The following ZNF224 variants were observed in gnomAD, a reference collection of about 807,000 sequenced individuals.
ZNF224 encodes the protein bone marrow zinc finger 2.
ZNF224 carries 8 observed loss-of-function variants against 10.5 expected under a neutral mutation model. That is an observed-to-expected ratio of 0.76 (90% CI 0.45 to 1.37). ZNF224 has a LOEUF of 1.37. Among genes scored for constraint, ZNF224 ranks in the 40% most tolerant of loss-of-function variants. The pLI, the probability that ZNF224 is intolerant of heterozygous loss-of-function variation, is 0.00. For missense variants in ZNF224, 754 were observed against 854.0 expected, an observed-to-expected ratio of 0.88 and a Z score of 1.46; for synonymous variants, 282 against 287.8, an observed-to-expected ratio of 0.98 and a Z score of 0.20.
chr19:44,097,061 G>C (rs766094417), intron 2 of ZNF224: 36 of 235,606 alleles, frequency 1.5e-4, no homozygotes, highest in South Asian at 1.9e-4. Context: ...CCGAGACGCT[G>C]TCTTTCAGAT....
chr19:44,099,334 C>T (rs1967502934), intron 3 of ZNF224, among the ~76,000 whole-genome samples: 1 of 152,152 alleles, frequency 6.6e-6, no homozygotes, highest in Non-Finnish European at 1.5e-5. Context: ...AGATGCCTTA[C>T]ACAAACCAGA....
rs1568533491 is a variant in ZNF224, at chr19:44,108,104, AGAAAAGCCATACAAATGT to A, written c.1947_1964del (p.Lys650_Glu655del). The A allele has an allele frequency of 2.5e-6, 4 of 1,612,456 alleles. No individual in the cohort carries two copies. In the East Asian group the frequency reaches 8.9e-5, roughly 36 times the overall value. Reference sequence around the variant, plus strand: ...AAGTGCAAGAAAAAGTTCACAGTGTAGAAAAGCCATACAAATGTGAGGACTGTGGGAAGGGCTACAACA... The same window carrying A: ...AAGTGCAAGAAAAAGTTCACAGTGTAGAGGACTGTGGGAAGGGCTACAACA... On this transcript the variant is annotated inframe_deletion, in exon 6 of 6. Coordinates refer to ENST00000693561, the MANE Select transcript of ZNF224 (RefSeq NM_001321645.3).
rs1034669032 is a variant in ZNF224 at position 44,108,518 on chromosome 19, C to T, written c.*234C>T. 1 of 537,032 alleles carries T rather than the reference C, an allele frequency of 1.9e-6. No individual in the cohort carries two copies. Among genetic ancestry groups the T allele is most frequent in the Non-Finnish European group, 3.4e-6 (1 of 297,580 alleles). 33.3% of individuals were successfully genotyped at this position (537,032 alleles called of 1,614,324 possible). A position where few individuals can be genotyped will look rare whatever the true frequency, so the allele number is the denominator to read the frequency against. On this transcript the variant is annotated 3_prime_UTR_variant, in exon 6 of 6. Transcript: ENST00000693561. ...ATAGCTCAGCATGCCCCAGTAGTCT[C>T]AGGACCACCATAATGGAGAATCCTT... is the stretch of plus-strand genomic sequence containing the variant.
Position 44,101,143 on chromosome 19 carries a change from A to G in ZNF224, c.153A>G (p.Ala51=). 1 of 1,614,154 alleles carries G rather than the reference A, an allele frequency of 6.2e-7. No individual in the cohort carries two copies. Among genetic ancestry groups the G allele is most frequent in the Non-Finnish European group, 8.5e-7 (1 of 1,180,004 alleles). The part of the protein sequence containing the change: ...FRNLLSVGHQ[A]FHRDTFHFLR... ...TTTGCCTGTTTGCAGGACATCAAGC[A>G]TTCCACAGGGATACTTTCCACTTCC... is the stretch of plus-strand genomic sequence containing the variant. The change falls in exon 5 of 6, where the codon GCA becomes GCG. Residue 51 remains alanine, a synonymous_variant. Transcript: ENST00000693561.
Position 44,108,598 on chromosome 19 carries a change from A to C in ZNF224, c.*314A>C, listed in dbSNP as rs1234830576. On this transcript the variant is annotated 3_prime_UTR_variant, in exon 6 of 6. Transcript: ENST00000693561. Reference sequence around the variant, plus strand: ...AGTTTGATAATTACAGCTATCATTCAGGAGACAGGCCTTAGAAAGAGTAAG... The same window carrying C: ...AGTTTGATAATTACAGCTATCATTCCGGAGACAGGCCTTAGAAAGAGTAAG... 8.7e-6 allele frequency: 4 copies of C among 457,348 alleles called. No individual in the cohort carries two copies. The highest frequency in any genetic ancestry group is 1.7e-5 in the Non-Finnish European group (4 of 231,268). The allele number at this position is 457,348 out of a possible 1,614,324, so 28.3% of individuals were successfully genotyped here.
Position 44,097,884 on chromosome 19 carries a change from T to C in ZNF224, c.11T>C (p.Phe4Ser). 6.2e-7 allele frequency: 1 copy of C among 1,614,064 alleles called. No homozygotes were observed. Among genetic ancestry groups the C allele is most frequent in the South Asian group, 1.1e-5 (1 of 91,044 alleles). The change falls in exon 3 of 6, where the codon TTC becomes TCC. Residue 4 changes from phenylalanine (F) to serine (S), a missense_variant. By Grantham distance (155) the Phe-to-Ser change is radical. Transcript: ENST00000693561. MTT[F>S]KEAMTFKDVA... ...GAAGTAAGAGGGAAAATGACCACGTTCAAGGTGGGTAGGACTTGCTTCTAT... is the reference window on the plus strand; with the variant it reads ...GAAGTAAGAGGGAAAATGACCACGTCCAAGGTGGGTAGGACTTGCTTCTAT...
intron 4 of ZNF224, 31 bp downstream of exon 4, chr19:44,100,958 T>C: frequency 6.2e-7 from 1 of 1,611,514 alleles, no homozygotes; most frequent in Non-Finnish European, 8.5e-7. Context: ...TAACAGAACG[T>C]CAGGCCCCAG....
chr19:44,095,088 C>G (rs1967412097), intron 1 of ZNF224: 1 of 227,508 alleles, frequency 4.4e-6, no homozygotes, highest in African/African-American at 2.3e-5. Flanking sequence ...ACAGCTTTCT[C>G]GTTCCCCAAC....
intron 5 of ZNF224, chr19:44,105,493 TTG>T (rs1967637015): frequency 6.6e-6 from 1 of 151,208 alleles, no homozygotes; most frequent in Non-Finnish European, 1.5e-5. Flanking sequence ...AATTTTATTA[TTG>T]TCTTTTATTT....
intron 5 of ZNF224, among the ~76,000 whole-genome samples, chr19:44,104,945 A>C (rs1241884596): frequency 6.6e-6 from 1 of 152,206 alleles, no homozygotes; most frequent in African/African-American, 2.4e-5. Flanking sequence ...TACAGGCGTG[A>C]GCCACCGCGC....
Position 44,106,417 on chromosome 19 carries a change from T to A in ZNF224, c.257T>A (p.Met86Lys), listed in dbSNP as rs755736302. Residue 86 changes from methionine (M) to lysine (K), a missense_variant, in exon 6 of 6, where the codon ATG (methionine) becomes AAG (lysine). Met to Lys is a moderately conservative substitution (Grantham distance 95). Coordinates refer to ENST00000693561, the MANE Select transcript of ZNF224 (RefSeq NM_001321645.3). The stretch of plus-strand genomic sequence containing the variant: ...ATAGGAGACAAGATCCAAACTGAGA[T>A]GGAGACTGTTTCAGAAGCAGGAACA... Reference protein sequence around the residue: ...GNSGDKIQTEMETVSEAGTHQ... With the variant: ...GNSGDKIQTEKETVSEAGTHQ... 6.2e-7 allele frequency: 1 copy of A among 1,614,182 alleles called. No homozygotes were observed. Among genetic ancestry groups the A allele is most frequent in the Non-Finnish European group, 8.5e-7 (1 of 1,180,024 alleles).
rs1967398536 is a variant in ZNF224, at chr19:44,094,485, A to G, written c.-203A>G. 6.6e-6 allele frequency: 1 copy of G among 152,310 alleles called. No homozygotes were observed. The highest frequency in any genetic ancestry group is 2.4e-5 in the African/African-American group (1 of 41,442). The allele number at this position is 152,310 out of a possible 1,614,324, so 9.4% of individuals were successfully genotyped here. ...GACCTACGCATTGGATCCTCAAAGA[A>G]CTGGTGATCGAATTAGGGGAAAAGG... On this transcript the variant is annotated 5_prime_UTR_variant, in exon 1 of 6. Coordinates refer to ENST00000693561, the MANE Select transcript of ZNF224 (RefSeq NM_001321645.3).
rs765278037 is a variant in ZNF224 at position 44,101,173 on chromosome 19, G to T, written c.183G>T (p.Arg61Ser). The T allele has an allele frequency of 1.5e-5, 25 of 1,614,120 alleles. No homozygotes were observed. The South Asian group carries it at 2.5e-4, about 16-fold the overall frequency. ...ACAGGGATACTTTCCACTTCCTAAG[G>T]GAAGAAAAGATTTGGATGATGAAGA... ...AFHRDTFHFL[R>S]EEKIWMMKTA... Residue 61 changes from arginine to serine, a missense_variant, in exon 5 of 6, where the codon AGG (arginine) becomes AGT (serine). Physicochemically the swap from Arg to Ser is moderately radical, Grantham distance 110. Coordinates refer to ENST00000693561, the MANE Select transcript of ZNF224 (RefSeq NM_001321645.3).
At position 44,108,964 on chromosome 19, in the gene ZNF224, A is replaced by AAT. The variant is rs1164949609; in HGVS notation, c.*681_*682insTA. 1 of 234,296 alleles carries AAT rather than the reference A, an allele frequency of 4.3e-6. No individual in the cohort carries two copies. Among genetic ancestry groups the AAT allele is most frequent in the Non-Finnish European group, 8.9e-6 (1 of 112,692 alleles). 14.5% of individuals were successfully genotyped at this position (234,296 alleles called of 1,614,324 possible). ...TTGATCAGATTTATCATATTCATTG[A>AAT]ACATTATTTTATTGCACTTGGCTCC... On this transcript the variant is annotated 3_prime_UTR_variant, in exon 6 of 6. Transcript: ENST00000693561.
intron 5 of ZNF224, among the ~76,000 whole-genome samples, chr19:44,102,031 T>C (rs994281123): frequency 2.0e-5 from 3 of 152,192 alleles, no homozygotes; most frequent in African/African-American, 4.8e-5. Context: ...CAACCTTAAT[T>C]GCATCTACAA....
intron 2 of ZNF224, chr19:44,097,052 C>T (rs925277152): frequency 4.4e-6 from 1 of 229,096 alleles, no homozygotes; most frequent in Non-Finnish European, 8.9e-6. Flanking sequence ...TCCACTTGGC[C>T]GAGACGCTGT....
Position 44,106,794 on chromosome 19 carries a change from G to A in ZNF224, c.634G>A (p.Glu212Lys), listed in dbSNP as rs979267842. The A allele has an allele frequency of 6.2e-6, 10 of 1,613,892 alleles. No homozygotes were observed. The highest frequency in any genetic ancestry group is 7.6e-6 in the Non-Finnish European group (9 of 1,179,866). ...KCYKCDVCGK[E>K]FSQSSHLQTH... ...CTATAAGTGTGACGTGTGTGGTAAG[G>A]AATTCAGTCAGAGTTCACATCTGCA... Residue 212 changes from glutamate (E) to lysine (K), a missense_variant, in exon 6 of 6, where the codon GAA (glutamate) becomes AAA (lysine). Glu to Lys is a moderately conservative substitution (Grantham distance 56, BLOSUM62 1). Transcript: ENST00000693561.
chr19:44,104,749 A>G (rs964427857), intron 5 of ZNF224, among the ~76,000 whole-genome samples: 4 of 151,664 alleles, frequency 2.6e-5, no homozygotes, highest in African/African-American at 4.8e-5. Context: ...GCAAGCTCCA[A>G]CTCCTGGGTT....
chr19:44,094,754 G>A (rs1967406547), intron 1 of ZNF224: 1 of 152,264 alleles, frequency 6.6e-6, no homozygotes. Context: ...TGGGTTTCCC[G>A]TTACTGTTCT....
Sources: allele counts gnomAD v4.1 joint callset (sites outside exome capture counted in the v4.1 genomes callset), GRCh38; gene constraint gnomAD v4.1.1; transcripts MANE v1.5; gene names NCBI Gene and HGNC (gene_info 2026-07-23, HGNC 2026-07-21).